EFCAB12: variants seen among roughly 807,000 people sequenced by gnomAD.
EFCAB12 encodes EF-hand calcium binding domain 12.
In EFCAB12, 43 loss-of-function variants were observed where a neutral mutation model predicts 53.6. That is an observed-to-expected ratio of 0.80 (90% CI 0.63 to 1.03). EFCAB12 has a LOEUF of 1.03. EFCAB12 is among the 50% of genes least tolerant of loss of function. The pLI, the probability that EFCAB12 is intolerant of heterozygous loss-of-function variation, is 0.00. For missense variants in EFCAB12, 646 were observed against 730.6 expected (o/e 0.88, Z 1.34); for synonymous variants, 269 against 289.2 (o/e 0.93, Z 0.71).
chr3:129,411,130 G>A (rs758202337), intron 5 of EFCAB12, 28 bp downstream of exon 5: 5 of 1,546,550 alleles, frequency 3.2e-6, no homozygotes, highest in Non-Finnish European at 3.5e-6. Flanking sequence ...TCCCCAAGCC[G>A]CATGCTCTCC....
chr3:129,409,074 C>G (rs943634686), intron 5 of EFCAB12, among the ~76,000 whole-genome samples: 1 of 152,292 alleles, frequency 6.6e-6, no homozygotes, highest in African/African-American at 2.4e-5. Context: ...GCCCTGTAGA[C>G]GGGTGTGCAG....
intron 2 of EFCAB12, among the ~76,000 whole-genome samples, chr3:129,420,610 T>G (rs1265299401): frequency 6.6e-6 from 1 of 152,234 alleles, no homozygotes; most frequent in African/African-American, 2.4e-5. Flanking sequence ...CTCAGCAAAC[T>G]TGTGTCAATG....
chr3:129,418,352 G>T lies in EFCAB12; in HGVS notation c.583C>A (p.His195Asn). The T allele has an allele frequency of 1.2e-6, 2 of 1,613,886 alleles. No individual in the cohort carries two copies. The highest frequency in any genetic ancestry group is 1.7e-6 in the Non-Finnish European group (2 of 1,179,820). ...PALSVMYSYLHSRKIKILEIF... is the reference protein window; with the variant it reads ...PALSVMYSYLNSRKIKILEIF... ...TCCAGGATCTTGATCTTGCGGCTAT[G>T]CAGGTAGGAGTACATGACCGACAGG... Residue 195 changes from histidine (H) to asparagine (N), a missense_variant, in exon 3 of 9, where the codon CAT (histidine) becomes AAT (asparagine). Coordinates refer to ENST00000505956, the MANE Select transcript of EFCAB12 (RefSeq NM_207307.3).
At chr3:129,427,248 C>G (rs371609977) in intron 1 of EFCAB12, among the ~76,000 whole-genome samples, 20 of 152,292 alleles carry the variant, frequency 1.3e-4, no homozygotes, top group Admixed American at 7.8e-4. Flanking sequence ...CCTCAGCTTC[C>G]CATAGTGCTG....
At chr3:129,423,180 G>A (rs527582549) in intron 1 of EFCAB12, among the ~76,000 whole-genome samples, 1 of 152,178 alleles carries the variant, frequency 6.6e-6, no homozygotes. Context: ...CCCAGAGCTC[G>A]GCTCTTAGCT....
In EFCAB12 at chr3:129,404,236, G is replaced by C; in HGVS notation, c.1403+14C>G. The C allele has an allele frequency of 6.2e-7, 1 of 1,609,658 alleles. No individual in the cohort carries two copies. Among genetic ancestry groups the C allele is most frequent in the Non-Finnish European group, 8.5e-7 (1 of 1,177,522 alleles). On this transcript the variant is annotated intron_variant, in intron 7 of 8. Coordinates refer to ENST00000505956, the MANE Select transcript of EFCAB12 (RefSeq NM_207307.3). ...GGAGGCCAAGGCAGGGAGAAAGGGGGTCCGAAACTCAGCTTGTCAGTCCTC... is the reference window on the plus strand; with the variant it reads ...GGAGGCCAAGGCAGGGAGAAAGGGGCTCCGAAACTCAGCTTGTCAGTCCTC...
chr3:129,401,833 C>T lies in EFCAB12; in HGVS notation c.1479G>A (p.Arg493=). 1 of 1,612,250 alleles carries T rather than the reference C, an allele frequency of 6.2e-7. No homozygotes were observed. Among genetic ancestry groups the T allele is most frequent in the East Asian group, 2.2e-5 (1 of 44,838 alleles). ...GGTGTGTTTGCTGCAGACCACTGGA[C>T]CTCTTCACCTTCAGCTTCCTGGAAA... ...EEFTRKLKVK[R]SSGLQQTHPN... Residue 493 remains arginine, a synonymous_variant, in exon 9 of 9, where the codon AGG becomes AGA. Transcript: ENST00000505956.
At chr3:129,411,022 T>A in intron 5 of EFCAB12, 136 bp downstream of exon 5, 1 of 866,416 alleles carries the variant, frequency 1.2e-6, no homozygotes, top group South Asian at 1.8e-5. Flanking sequence ...ATGAGGGACG[T>A]GAAGAAGGGG....
At chr3:129,422,087 T>A (rs1342585963) in intron 1 of EFCAB12, among the ~76,000 whole-genome samples, 1 of 152,170 alleles carries the variant, frequency 6.6e-6, no homozygotes, top group Non-Finnish European at 1.5e-5. Flanking sequence ...CTTTTAAAGA[T>A]GCCAGTCTGA....
rs771694606 is a variant in EFCAB12 at position 129,418,433 on chromosome 3, G to A, written c.502C>T (p.Leu168Phe). 6 of 1,608,180 alleles carry A rather than the reference G, an allele frequency of 3.7e-6. No homozygotes were observed. The African/African-American group carries it at 6.7e-5, about 18-fold the overall frequency. Residue 168 changes from leucine (L) to phenylalanine (F), a missense_variant, in exon 3 of 9, where the codon CTC becomes TTC. By Grantham distance (22) the Leu-to-Phe change is conservative (BLOSUM62 0). Transcript: ENST00000505956. ...TRTTRKKAPR[L>F]SRLSRQMVPQ... is the part of the protein sequence containing the mutation. Reference sequence around the variant, plus strand: ...ACCATCTGGCGGGACAGCCGGGAGAGCCTGGGGGCTTTCTTCTGGAAGAGG... The same window carrying A: ...ACCATCTGGCGGGACAGCCGGGAGAACCTGGGGGCTTTCTTCTGGAAGAGG...
intron 4 of EFCAB12, chr3:129,411,601 G>C: frequency 5.1e-6 from 2 of 394,542 alleles, no homozygotes; most frequent in Non-Finnish European, 9.0e-6. Context: ...TTCTCGTCCT[G>C]TCACCCTGTC....
At chr3:129,421,261 C>T in intron 2 of EFCAB12, 106 bp downstream of exon 2, 2 of 1,271,886 alleles carry the variant, frequency 1.6e-6, no homozygotes, top group South Asian at 3.4e-5. Context: ...GTTTGCTCCT[C>T]TGTGAAATGG....
intron 1 of EFCAB12, among the ~76,000 whole-genome samples, chr3:129,426,359 G>GTTTTTTTTTTT (rs71620055): frequency 0.035 from 3,031 of 87,252 alleles, 10 homozygotes; most frequent in Non-Finnish European, 0.053. Context: ...GTTTTTTTTT[G>GTTTTTTTTTTT]TTTTTTTTTT....
rs1559785758 is a variant in EFCAB12 at position 129,409,849 on chromosome 3, C to G, written c.1036-991G>C. On this transcript the variant is annotated intron_variant, in intron 5 of 8. Coordinates refer to ENST00000505956, the MANE Select transcript of EFCAB12 (RefSeq NM_207307.3). ...CCTTTACAGGGGAACTTTGCTGGTC[C>G]CTGCTCAAACATTTTGGGTTTTCTT... Among the ~76,000 whole-genome samples, 3 of 152,176 alleles carry G rather than the reference C, an allele frequency of 2.0e-5. No individual in the cohort carries two copies. The South Asian group carries it at 6.2e-4, about 32-fold the overall frequency.
At chr3:129,426,106 G>T (rs2072267443) in intron 1 of EFCAB12, among the ~76,000 whole-genome samples, 1 of 152,058 alleles carries the variant, frequency 6.6e-6, no homozygotes, top group Non-Finnish European at 1.5e-5. Context: ...CTCTTGCTAT[G>T]TCCAATTCTA....
At chr3:129,414,686 T>G (rs909445041) in intron 4 of EFCAB12, 6 of 152,278 alleles carry the variant, frequency 3.9e-5, no homozygotes, top group Non-Finnish European at 7.3e-5. Context: ...AATTTGCCTC[T>G]GTGCCTTGTC....
At chr3:129,418,005 T>C (rs1348058619) in intron 3 of EFCAB12, among the ~76,000 whole-genome samples, 2 of 152,182 alleles carry the variant, frequency 1.3e-5, no homozygotes, top group Admixed American at 6.5e-5. Context: ...CTCCACAGAC[T>C]TTCCACTCAG....
At chr3:129,404,153 A>G in intron 7 of EFCAB12, 97 bp downstream of exon 7, 1 of 1,497,142 alleles carries the variant, frequency 6.7e-7, no homozygotes, top group Non-Finnish European at 9.0e-7. Flanking sequence ...CAAGCACAGC[A>G]TGGCGCCCCA....
At chr3:129,421,310 A>G in intron 2 of EFCAB12, 57 bp downstream of exon 2, 1 of 1,499,710 alleles carries the variant, frequency 6.7e-7, no homozygotes. Flanking sequence ...AAGGGAATAA[A>G]ATAATGATGC....
Sources: gnomAD v4.1 joint callset for allele counts (sites outside exome capture counted in the v4.1 genomes callset) on GRCh38, gnomAD v4.1.1 for gene constraint, MANE v1.5 for transcripts, NCBI Gene and HGNC (gene_info 2026-07-23, HGNC 2026-07-21) for gene names.